The following FLI1 variants were observed in gnomAD, a reference collection of about 807,000 sequenced individuals.
FLI1 encodes Fli-1 proto-oncogene, ETS transcription factor, also known as Friend leukemia integration 1 transcription factor.
FLI1 carries 13 observed loss-of-function variants against 53.1 expected under a neutral mutation model. That is an observed-to-expected ratio of 0.24 (90% CI 0.16 to 0.39). The LOEUF is 0.39. FLI1 is among the 10% of genes least tolerant of loss of function. The probability of loss-of-function intolerance (pLI) is 1.00; values close to 1 mark genes in which losing one functional copy is unlikely to be tolerated. For synonymous variants in FLI1, 244 were observed against 236.7 expected (o/e 1.03, Z -0.28); for missense variants, 424 against 600.5 (o/e 0.71, Z 3.07).
intron 2 of FLI1, chr11:128,764,677 C>T (rs1463089452): frequency 1.3e-6 from 2 of 1,537,438 alleles, no homozygotes; most frequent in Admixed American, 2.0e-5. Context: ...TAAAGAGCAG[C>T]CTTTTATGCT....
At chr11:128,701,251 T>A (rs1008023038) in intron 1 of FLI1, among the ~76,000 whole-genome samples, 4 of 152,254 alleles carry the variant, frequency 2.6e-5, no homozygotes, top group African/African-American at 7.2e-5. Flanking sequence ...ATCTTTTCAA[T>A]TGGGCCTTCT....
At chr11:128,774,581 G>A (rs760001602) in intron 4 of FLI1, among the ~76,000 whole-genome samples, 17 of 152,184 alleles carry the variant, frequency 1.1e-4, no homozygotes, top group Non-Finnish European at 2.5e-4. Context: ...ATTCCAGCAG[G>A]AGTTTGCAGG....
At chr11:128,789,094 G>A (rs1469924901) in intron 5 of FLI1, among the ~76,000 whole-genome samples, 2 of 152,186 alleles carry the variant, frequency 1.3e-5, no homozygotes, top group African/African-American at 2.4e-5. Flanking sequence ...CTGCAGCATG[G>A]CAGGGCTGGA....
At chr11:128,745,586 A>C (rs1270294300) in intron 1 of FLI1, among the ~76,000 whole-genome samples, 1 of 152,234 alleles carries the variant, frequency 6.6e-6, no homozygotes, top group Non-Finnish European at 1.5e-5. Context: ...GAATCACGGA[A>C]AAGAAGCGGC....
At chr11:128,714,757 G>A (rs900983908) in intron 1 of FLI1, among the ~76,000 whole-genome samples, 4 of 133,872 alleles carry the variant, frequency 3.0e-5, no homozygotes, top group African/African-American at 5.7e-5. Flanking sequence ...TCACCAGGCT[G>A]GAGTGCAGTG....
At chr11:128,792,995 A>G (rs568732317) in intron 5 of FLI1, among the ~76,000 whole-genome samples, 1 of 152,018 alleles carries the variant, frequency 6.6e-6, no homozygotes, top group Non-Finnish European at 1.5e-5. Flanking sequence ...GTGTGTTCCT[A>G]TAGTCCCAGC....
intron 1 of FLI1, among the ~76,000 whole-genome samples, chr11:128,749,343 C>A (rs2135790924): frequency 6.6e-6 from 1 of 152,280 alleles, no homozygotes; most frequent in African/African-American, 2.4e-5. Flanking sequence ...GTTTTGTTAT[C>A]CTTCACTGAA....
chr11:128,688,230 G>T (rs1394277454), intron 1 of FLI1, among the ~76,000 whole-genome samples: 1 of 152,160 alleles, frequency 6.6e-6, no homozygotes, highest in Non-Finnish European at 1.5e-5. Context: ...GCACGTGGGA[G>T]CCCCGGAACC....
chr11:128,708,410 G>A (rs1301761040), intron 1 of FLI1, among the ~76,000 whole-genome samples: 1 of 152,172 alleles, frequency 6.6e-6, no homozygotes, highest in Non-Finnish European at 1.5e-5. Flanking sequence ...AACTTTGCTG[G>A]TGAAGCTGTC....
chr11:128,748,337 A>C, intron 1 of FLI1: 1 of 850,486 alleles, frequency 1.2e-6, no homozygotes, highest in Non-Finnish European at 1.4e-6. Context: ...GATGTTCAAC[A>C]AGACTCCTTG....
chr11:128,720,690 C>A (rs375381675), intron 1 of FLI1, among the ~76,000 whole-genome samples: 3 of 152,218 alleles, frequency 2.0e-5, no homozygotes, highest in Admixed American at 2.0e-4. Flanking sequence ...TTTACACATA[C>A]GTGGAAAGCA....
chr11:128,738,379 T>C (rs1175808798), intron 1 of FLI1, among the ~76,000 whole-genome samples: 3 of 152,170 alleles, frequency 2.0e-5, no homozygotes, highest in Non-Finnish European at 4.4e-5. Flanking sequence ...GCCTCACCTT[T>C]CTCTCATTAC....
In FLI1 at chr11:128,726,805, A is replaced by G. The variant is rs1278151425; in HGVS notation, c.19-31310A>G. Among the ~76,000 whole-genome samples the G allele has an allele frequency of 3.3e-5, 5 of 152,198 alleles. No individual in the cohort carries two copies. In the East Asian group the frequency reaches 9.6e-4, roughly 29 times the overall value. ...TGTAAAAACAGGGCAGCAGAAATCT[A>G]TGTGAATATTATAAGTATTTGAGGA... On this transcript the variant is annotated intron_variant, in intron 1 of 8. Coordinates refer to ENST00000527786, the MANE Select transcript of FLI1 (RefSeq NM_002017.5).
intron 4 of FLI1, among the ~76,000 whole-genome samples, chr11:128,777,265 GGAGGCAGAAAGAAAAA>G (rs1470768157): frequency 6.6e-6 from 1 of 152,150 alleles, no homozygotes; most frequent in Non-Finnish European, 1.5e-5. Flanking sequence ...GGGGAGGTGG[GGAGGCAGAAAGAAAAA>G]GAGCCTTTTT....
chr11:128,717,010 C>G (rs1247700954), intron 1 of FLI1, among the ~76,000 whole-genome samples: 3 of 152,124 alleles, frequency 2.0e-5, no homozygotes, highest in Non-Finnish European at 2.9e-5. Flanking sequence ...TGCCTGGCAG[C>G]CAGCAGGCAA....
chr11:128,768,961 T>C (rs2135835326), intron 3 of FLI1, among the ~76,000 whole-genome samples: 1 of 152,344 alleles, frequency 6.6e-6, no homozygotes, highest in East Asian at 1.9e-4. Context: ...GGCCAGTCCT[T>C]CCCTCCAGGC....
intron 1 of FLI1, among the ~76,000 whole-genome samples, chr11:128,727,342 T>C (rs898095921): frequency 1.6e-4 from 24 of 152,238 alleles, no homozygotes; most frequent in African/African-American, 5.5e-4. Context: ...TAATGGCTAG[T>C]ATTATGTATA....
chr11:128,694,121 G>T lies in FLI1; in HGVS notation c.-138G>T. ...AACGTGCACAGGGGAGTGAGGGCAGGGCGCTCGCAGGGGGCACGCAGGGAG... is the reference window on the plus strand; with the variant it reads ...AACGTGCACAGGGGAGTGAGGGCAGTGCGCTCGCAGGGGGCACGCAGGGAG... On this transcript the variant is annotated 5_prime_UTR_variant, in exon 1 of 9. Coordinates refer to ENST00000527786, the MANE Select transcript of FLI1 (RefSeq NM_002017.5). 2.5e-6 allele frequency: 2 copies of T among 794,956 alleles called. No homozygotes were observed. Among genetic ancestry groups the T allele is most frequent in the Non-Finnish European group, 3.7e-6 (2 of 534,454 alleles). The allele number at this position is 794,956 out of a possible 1,614,324, so 49.2% of individuals were successfully genotyped here. A position where few individuals can be genotyped will look rare whatever the true frequency, so the allele number is the denominator to read the frequency against.
At chr11:128,691,495 G>T (rs1937737496), upstream of FLI1, among the ~76,000 whole-genome samples, 2 of 152,154 alleles carry the variant, frequency 1.3e-5, no homozygotes, top group Non-Finnish European at 2.9e-5. Context: ...CCAGGGGGCT[G>T]AAAATCGCCA....
Sources: gnomAD v4.1 joint callset for allele counts (sites outside exome capture counted in the v4.1 genomes callset) on GRCh38, gnomAD v4.1.1 for gene constraint, MANE v1.5 for transcripts, NCBI Gene and HGNC (gene_info 2026-07-23, HGNC 2026-07-21) for gene names.